The following ATP2C1 variants were observed in gnomAD, a reference collection of about 807,000 sequenced individuals.
ATP2C1 encodes the protein calcium-transporting ATPase type 2C member 1.
In ATP2C1, 31 loss-of-function variants were observed where a neutral mutation model predicts 120.5. That is an observed-to-expected ratio of 0.26 (90% CI 0.19 to 0.35). ATP2C1 has a LOEUF of 0.35. Among genes scored for constraint, ATP2C1 ranks in the 10% least tolerant of loss-of-function variants. ATP2C1 has a pLI of 1.00. For missense variants in ATP2C1, 731 were observed against 1,107.5 expected, an observed-to-expected ratio of 0.66 and a Z score of 4.83; for synonymous variants, 351 against 358.7, an observed-to-expected ratio of 0.98 and a Z score of 0.24.
In ATP2C1 at chr3:131,002,281, C is replaced by G. The variant is rs186817851; in HGVS notation, c.*931C>G. 1.0e-6 allele frequency: 1 copy of G among 974,674 alleles called. No individual in the cohort carries two copies. Among genetic ancestry groups the G allele is most frequent in the East Asian group, 1.1e-4 (1 of 8,768 alleles). The allele number at this position is 974,674 out of a possible 1,614,324, so 60.4% of individuals were successfully genotyped here. On this transcript the variant is annotated 3_prime_UTR_variant, in exon 28 of 28. Coordinates refer to ENST00000510168, the MANE Select transcript of ATP2C1 (RefSeq NM_001378687.1). ...AAGTAATTCTATTTTATTATTTTTA[C>G]TGTTATGTATGTTTTTAATCATATT...
At chr3:130,926,741 G>A (rs183557901) in intron 2 of ATP2C1, among the ~76,000 whole-genome samples, 4 of 152,344 alleles carry the variant, frequency 2.6e-5, no homozygotes, top group Admixed American at 1.3e-4. Flanking sequence ...GCCCTTGGGC[G>A]TCGCCTTCCA....
chr3:131,004,272 G>C (rs138357203), downstream of ATP2C1, among the ~76,000 whole-genome samples: 2 of 152,208 alleles, frequency 1.3e-5, no homozygotes, highest in Middle Eastern at 3.2e-3. Context: ...AACAGCAGCT[G>C]ATTTGCATAC....
chr3:130,979,193 G>C, intron 18 of ATP2C1, 56 bp from the exon 19 acceptor site: 1 of 1,551,892 alleles, frequency 6.4e-7, no homozygotes, highest in Non-Finnish European at 8.9e-7. Context: ...ACTAAATTCT[G>C]ATGTTTTCAT....
rs757141881 is a variant in ATP2C1 at position 131,016,160 on chromosome 3, C to T, written c.2638C>T (p.Leu880=). The stretch of plus-strand genomic sequence containing the variant: ...GGTGCTTACCGAGTTAGGTCTGGCT[C>T]TGGGAGAGGAGTGGACAGCAGCTGG... Residue 880 remains leucine (L), a synonymous_variant, in exon 27 of 27, where the codon CTG becomes TTG. Transcript: ENST00000328560. 26 of 1,613,782 alleles carry T rather than the reference C, an allele frequency of 1.6e-5. No homozygotes were observed. The South Asian group carries it at 2.9e-4, about 18-fold the overall frequency.
At chr3:130,980,103 A>T (rs1398469573) in intron 19 of ATP2C1, among the ~76,000 whole-genome samples, 1 of 152,160 alleles carries the variant, frequency 6.6e-6, no homozygotes, top group African/African-American at 2.4e-5. Context: ...TAACTACATG[A>T]TTACCACAGA....
At chr3:130,892,830 T>A (rs982540490), upstream of ATP2C1, among the ~76,000 whole-genome samples, 13 of 151,962 alleles carry the variant, frequency 8.6e-5, no homozygotes, top group Non-Finnish European at 1.8e-4. Context: ...GTCCAGAATT[T>A]TCAATCCTAG....
chr3:130,956,532 G>T lies in ATP2C1; in HGVS notation c.832+353G>T, dbSNP rs934859477. ...GTCACATAAAACAAACATAAAGGTT[G>T]TATAGTTTTCTATTTTGTGGGAAAA... On this transcript the variant is annotated intron_variant, in intron 11 of 27. Transcript: ENST00000510168. 2.6e-5 allele frequency among the ~76,000 whole-genome samples: 4 copies of T among 151,374 alleles called. No individual in the cohort carries two copies. In the East Asian group the frequency reaches 7.7e-4, roughly 29 times the overall value.
chr3:130,937,909 G>T (rs1172562239), intron 6 of ATP2C1, among the ~76,000 whole-genome samples: 2 of 152,186 alleles, frequency 1.3e-5, no homozygotes, highest in Non-Finnish European at 2.9e-5. Flanking sequence ...ACCATTTGAA[G>T]AAAATTCCAC....
intron 22 of ATP2C1, 65 bp downstream of exon 22, chr3:130,994,163 C>G (rs960522129): frequency 6.3e-7 from 1 of 1,577,970 alleles, no homozygotes; most frequent in African/African-American, 1.3e-5. Flanking sequence ...TCCCCCACCC[C>G]TAGAGAATTC....
chr3:131,013,422 G>A (rs146484704), intron 26 of ATP2C1, among the ~76,000 whole-genome samples: 2 of 152,322 alleles, frequency 1.3e-5, no homozygotes, highest in Non-Finnish European at 2.9e-5. Flanking sequence ...TGGTATTGCT[G>A]CATATATCTC....
intron 26 of ATP2C1, among the ~76,000 whole-genome samples, chr3:131,013,114 A>G (rs1267419373): frequency 2.0e-5 from 3 of 152,160 alleles, no homozygotes; most frequent in Non-Finnish European, 2.9e-5. Flanking sequence ...CATTTATTCT[A>G]CTTGGTTCTC....
rs2062730018 is a variant in ATP2C1, at chr3:130,998,380, C to T, written c.2478C>T (p.Ser826=). ...TTGACATGTTCAATGCACTAAGTTC[C>T]AGATCCCAGGTATGTTTAGGTGAAC... is the stretch of plus-strand genomic sequence containing the variant. ...VFFDMFNALS[S]RSQTKSVFEI... Residue 826 remains serine, a synonymous_variant, in exon 26 of 28, where the codon TCC becomes TCT. Transcript: ENST00000510168. The T allele has an allele frequency of 6.2e-7, 1 of 1,601,630 alleles. No individual in the cohort carries two copies. Among genetic ancestry groups the T allele is most frequent in the Non-Finnish European group, 8.6e-7 (1 of 1,168,682 alleles).
intron 12 of ATP2C1, among the ~76,000 whole-genome samples, chr3:130,961,150 A>G (rs1458768360): frequency 1.3e-5 from 2 of 151,982 alleles, no homozygotes; most frequent in Non-Finnish European, 2.9e-5. Flanking sequence ...TAAAAACGCC[A>G]TGGGTTAAAT....
chr3:130,903,331 A>G (rs1334531851), intron 2 of ATP2C1, among the ~76,000 whole-genome samples: 4 of 152,080 alleles, frequency 2.6e-5, no homozygotes, highest in Admixed American at 2.6e-4. Flanking sequence ...ACTTAACCCT[A>G]TAGGATTCAA....
intron 2 of ATP2C1, among the ~76,000 whole-genome samples, chr3:130,917,378 A>G (rs556502044): frequency 1.3e-5 from 2 of 152,266 alleles, no homozygotes; most frequent in African/African-American, 4.8e-5. Context: ...TCTTTTTTTT[A>G]AAAGCAGATT....
rs1053384082 is a variant in ATP2C1, at chr3:130,952,303, AT to A, written c.532-1516del. On this transcript the variant is annotated intron_variant, in intron 8 of 27. Transcript: ENST00000510168. The stretch of plus-strand genomic sequence containing the variant: ...TATGATAAAGCACAGGGCCTGGCAC[AT>A]TGTAAGCAGTAATAAATATTTGTTA... Among the ~76,000 whole-genome samples, 200 of 152,270 alleles carry A rather than the reference AT, an allele frequency of 1.3e-3. 1 individual carries two copies. The highest frequency in any genetic ancestry group is 4.6e-3 in the African/African-American group (192 of 41,578).
rs1302101820 is a variant in ATP2C1 at position 130,894,113 on chromosome 3, G to A, written c.-405G>A. 4 of 972,622 alleles carry A rather than the reference G, an allele frequency of 4.1e-6. No individual in the cohort carries two copies. Among genetic ancestry groups the A allele is most frequent in the Non-Finnish European group, 4.9e-6 (4 of 818,452 alleles). The allele number at this position is 972,622 out of a possible 1,614,324, so 60.2% of individuals were successfully genotyped here. On this transcript the variant is annotated 5_prime_UTR_variant, in exon 1 of 28. Coordinates refer to ENST00000510168, the MANE Select transcript of ATP2C1 (RefSeq NM_001378687.1). This position sits in a 1 kb window ranked among gnomAD's most constrained non-coding sequence, Gnocchi z 4.5. ...CAGCACGGCCTCGCGGAGCCGGCCC[G>A]GCGGACCGTGACGGGTCCCCTCACC...
chr3:130,887,704 C>T (rs2069022009), intron 1 of ATP2C1, among the ~76,000 whole-genome samples: 1 of 151,904 alleles, frequency 6.6e-6, no homozygotes, highest in Admixed American at 6.5e-5. Flanking sequence ...TGCTGCCAGG[C>T]TTGGACATAC....
downstream of ATP2C1, among the ~76,000 whole-genome samples, chr3:131,005,413 C>G (rs569799882): frequency 4.6e-5 from 7 of 152,234 alleles, no homozygotes; most frequent in African/African-American, 1.7e-4. Context: ...CTGTGCCCAG[C>G]TTTGAATTTG....
Sources: gnomAD v4.1 joint callset for allele counts (sites outside exome capture counted in the v4.1 genomes callset) on GRCh38, gnomAD v4.1.1 for gene constraint, Gnocchi (gnomAD v3.1) non-coding constraint, MANE v1.5 for transcripts, NCBI Gene and HGNC (gene_info 2026-07-23, HGNC 2026-07-21) for gene names.